FRMD3: variants seen among roughly 807,000 people sequenced by gnomAD.
FRMD3 encodes the protein FERM domain-containing protein 3.
Under a neutral mutation model 70.2 loss-of-function variants are expected in FRMD3, and 33 were observed. The ratio of observed to expected loss-of-function variants is 0.47; its 90% CI spans 0.36 to 0.63. The LOEUF (loss-of-function observed/expected upper bound fraction) is 0.63. FRMD3 is among the 20% of genes least tolerant of loss of function. The pLI, the probability that FRMD3 is intolerant of heterozygous loss-of-function variation, is 0.00. For synonymous variants in FRMD3, 279 were observed against 255.9 expected (o/e 1.09, Z -0.86); for missense variants, 632 against 711.4 (o/e 0.89, Z 1.27).
At chr9:83,467,648 T>C (rs1469107288) in intron 1 of FRMD3, 2 of 1,535,176 alleles carry the variant, frequency 1.3e-6, no homozygotes, top group East Asian at 4.9e-5. Flanking sequence ...GGTCTCCTTG[T>C]GCCTTGCCAA....
chr9:83,464,823 A>T (rs1476763440), intron 1 of FRMD3, among the ~76,000 whole-genome samples: 5 of 152,148 alleles, frequency 3.3e-5, no homozygotes, highest in African/African-American at 1.2e-4. Context: ...ATTCAAGACC[A>T]GCCTGGCGAA....
chr9:83,251,446 A>G (rs150968479), intron 13 of FRMD3, among the ~76,000 whole-genome samples: 36 of 152,326 alleles, frequency 2.4e-4, no homozygotes, highest in Non-Finnish European at 5.0e-4. Flanking sequence ...TGAAAAAACC[A>G]TAATGCCTCT....
the FRMD3 span, among the ~76,000 whole-genome samples, chr9:83,567,562 T>G: frequency 2.6e-5 from 4 of 152,314 alleles, no homozygotes; most frequent in South Asian, 8.3e-4. Context: ...GTTTCTCTTT[T>G]AAAATGGTAT....
the FRMD3 span, among the ~76,000 whole-genome samples, chr9:83,564,260 G>A: frequency 4.2e-4 from 64 of 152,214 alleles, no homozygotes; most frequent in South Asian, 2.7e-3. Context: ...CCCCACTGCT[G>A]TATACACCTC....
chr9:83,300,914 G>A (rs1360416861), intron 10 of FRMD3, among the ~76,000 whole-genome samples: 1 of 152,154 alleles, frequency 6.6e-6, no homozygotes, highest in Non-Finnish European at 1.5e-5. Context: ...TTTATCGAGA[G>A]AACAATGGAA....
At chr9:83,275,164 G>A (rs1162624819) in intron 13 of FRMD3, among the ~76,000 whole-genome samples, 1 of 152,212 alleles carries the variant, frequency 6.6e-6, no homozygotes, top group African/African-American at 2.4e-5. Context: ...GCACAGAGCA[G>A]TAGCATGGGA....
At chr9:83,307,080 T>A (rs1835162716) in intron 10 of FRMD3, among the ~76,000 whole-genome samples, 1 of 152,220 alleles carries the variant, frequency 6.6e-6, no homozygotes, top group South Asian at 2.1e-4. Context: ...TAAAATCATG[T>A]CATGGTAGAT....
chr9:83,549,563 C>T, the FRMD3 span, among the ~76,000 whole-genome samples: 1 of 152,170 alleles, frequency 6.6e-6, no homozygotes, highest in South Asian at 2.1e-4. Context: ...TACACTCCCA[C>T]CAACAGCGTA....
At chr9:83,315,514 T>G (rs950411129) in intron 6 of FRMD3, among the ~76,000 whole-genome samples, 1 of 152,120 alleles carries the variant, frequency 6.6e-6, no homozygotes, top group Admixed American at 6.5e-5. Context: ...CTCGGGATAG[T>G]GAGTCCTCAC....
intron 1 of FRMD3, among the ~76,000 whole-genome samples, chr9:83,490,872 A>T (rs942656660): frequency 1.3e-5 from 2 of 151,330 alleles, no homozygotes; most frequent in Non-Finnish European, 2.9e-5. Flanking sequence ...GAAAGCTAAC[A>T]TAACAAGTGA....
intron 3 of FRMD3, among the ~76,000 whole-genome samples, chr9:83,361,530 G>A (rs920402918): frequency 1.3e-5 from 2 of 152,158 alleles, no homozygotes; most frequent in Non-Finnish European, 2.9e-5. Context: ...ACCAAGGTCA[G>A]CAAAACAGAA....
At chr9:83,550,148 A>G in the FRMD3 span, among the ~76,000 whole-genome samples, 3 of 152,304 alleles carry the variant, frequency 2.0e-5, no homozygotes, top group South Asian at 4.1e-4. Flanking sequence ...GAATGGGTCC[A>G]GCTTCAATCT....
intron 8 of FRMD3, among the ~76,000 whole-genome samples, chr9:83,311,103 T>A (rs1485071742): frequency 6.6e-6 from 1 of 152,050 alleles, no homozygotes; most frequent in African/African-American, 2.4e-5. Flanking sequence ...TCCAATTAGG[T>A]ATACAGGAAG....
At chr9:83,368,030 G>A (rs1156686196) in intron 3 of FRMD3, among the ~76,000 whole-genome samples, 1 of 152,068 alleles carries the variant, frequency 6.6e-6, no homozygotes, top group African/African-American at 2.4e-5. Context: ...ACAGCAACTT[G>A]GGTGAATCTC....
At chr9:83,558,666 T>A in the FRMD3 span, among the ~76,000 whole-genome samples, 1 of 152,300 alleles carries the variant, frequency 6.6e-6, no homozygotes, top group South Asian at 2.1e-4. Context: ...AGATAGTGAT[T>A]CCTCTGATGG....
chr9:83,502,391 T>A (rs1829088719), intron 1 of FRMD3, among the ~76,000 whole-genome samples: 1 of 152,200 alleles, frequency 6.6e-6, no homozygotes, highest in African/African-American at 2.4e-5. Flanking sequence ...GTAGAAGAGA[T>A]GTTCTGAGAC....
At chr9:83,425,660 C>T (rs893839701) in intron 1 of FRMD3, among the ~76,000 whole-genome samples, 11 of 152,272 alleles carry the variant, frequency 7.2e-5, no homozygotes, top group African/African-American at 2.6e-4. Context: ...AATCCCCACA[C>T]TATGGGAGGC....
At chr9:83,431,505 T>C (rs1036238357) in intron 1 of FRMD3, among the ~76,000 whole-genome samples, 4 of 152,206 alleles carry the variant, frequency 2.6e-5, no homozygotes, top group African/African-American at 9.7e-5. Context: ...CTGATTTTTT[T>C]CCCTATTCTA....
At chr9:83,406,503 G>T (rs1826108241) in intron 1 of FRMD3, among the ~76,000 whole-genome samples, 2 of 152,234 alleles carry the variant, frequency 1.3e-5, no homozygotes, top group Non-Finnish European at 2.9e-5. Flanking sequence ...ATGGAGGAAA[G>T]TTCCCACAGG....
Sources: allele counts gnomAD v4.1 joint callset (sites outside exome capture counted in the v4.1 genomes callset), GRCh38; gene constraint gnomAD v4.1.1; transcripts MANE v1.5; gene names NCBI Gene and HGNC (gene_info 2026-07-23, HGNC 2026-07-21).